SLC12A8: variants seen among roughly 807,000 people sequenced by gnomAD.
The protein encoded by SLC12A8 is cation-chloride cotransporter 9.
SLC12A8 carries 69 observed loss-of-function variants against 75.6 expected under a neutral mutation model. That is an observed-to-expected ratio of 0.91 (90% CI 0.75 to 1.11). The LOEUF (loss-of-function observed/expected upper bound fraction) is 1.11, where lower values mean the gene tolerates loss of function less well. Ranked by LOEUF, SLC12A8 falls within the 50% of genes most tolerant of loss-of-function variation. The pLI, the probability that SLC12A8 is intolerant of heterozygous loss-of-function variation, is 0.00. For synonymous variants in SLC12A8, 365 were observed against 372.8 expected, an observed-to-expected ratio of 0.98 and a Z score of 0.24; for missense variants, 877 against 896.7, an observed-to-expected ratio of 0.98 and a Z score of 0.28.
chr3:125,201,233 A>G (rs567475041), intron 2 of SLC12A8, among the ~76,000 whole-genome samples: 2 of 152,054 alleles, frequency 1.3e-5, no homozygotes. Flanking sequence ...GTGAGACCCC[A>G]TCTCTACAAA....
chr3:125,138,122 T>G (rs555598902), intron 5 of SLC12A8, among the ~76,000 whole-genome samples: 16 of 152,078 alleles, frequency 1.1e-4, no homozygotes, highest in African/African-American at 3.9e-4. Context: ...GGGGGAGGGG[T>G]CGGGTGCAGT....
rs1019850609 is a variant in SLC12A8 at position 125,187,447 on chromosome 3, G to A, written c.199-19C>T. ...TGTTTCCCTGCAGCAGAATAGCAAG[G>A]AGCAAGGTTGGATTAGGTGAGGAGG... On this transcript the variant is annotated intron_variant, in intron 3 of 13. Coordinates refer to ENST00000469902, the MANE Select transcript of SLC12A8 (RefSeq NM_024628.6). 6.2e-7 allele frequency: 1 copy of A among 1,611,468 alleles called. No individual in the cohort carries two copies. Among genetic ancestry groups the A allele is most frequent in the Non-Finnish European group, 8.5e-7 (1 of 1,178,644 alleles).
At chr3:125,085,679 C>T (rs1260840586) in intron 13 of SLC12A8, among the ~76,000 whole-genome samples, 1 of 152,072 alleles carries the variant, frequency 6.6e-6, no homozygotes, top group East Asian at 1.9e-4. Flanking sequence ...CAGGTTCAAG[C>T]AATTCTCATG....
rs544970433 is a variant in SLC12A8, at chr3:125,135,950, T to C, written c.623-168A>G. ...CTGCAGAACCATCTACCTTCCCACT[T>C]CTAGGGTTGACTTTTGTGTGCTGAT... is the stretch of plus-strand genomic sequence containing the variant. On this transcript the variant is annotated intron_variant, in intron 5 of 13. Coordinates refer to ENST00000469902, the MANE Select transcript of SLC12A8 (RefSeq NM_024628.6). Among the ~76,000 whole-genome samples, 7 of 152,246 alleles carry C rather than the reference T, an allele frequency of 4.6e-5. No individual in the cohort carries two copies. In the South Asian group the frequency reaches 1.5e-3, roughly 32 times the overall value.
chr3:125,197,694 C>T (rs1024229284), intron 2 of SLC12A8, among the ~76,000 whole-genome samples: 1 of 152,290 alleles, frequency 6.6e-6, no homozygotes, highest in East Asian at 1.9e-4. Context: ...CAAATATATC[C>T]CCTTTTATAC....
intron 2 of SLC12A8, among the ~76,000 whole-genome samples, chr3:125,207,122 G>A (rs1049998670): frequency 1.3e-5 from 2 of 152,184 alleles, no homozygotes; most frequent in African/African-American, 2.4e-5. Context: ...AGGTCTCAGC[G>A]ACCTGGAAAC....
intron 8 of SLC12A8, among the ~76,000 whole-genome samples, chr3:125,112,190 A>G (rs1219213091): frequency 2.0e-5 from 3 of 152,140 alleles, no homozygotes; most frequent in African/African-American, 7.2e-5. Flanking sequence ...GATGAACAAG[A>G]CTAAGGTCCA....
intron 6 of SLC12A8, among the ~76,000 whole-genome samples, chr3:125,133,061 C>A (rs773883335): frequency 6.6e-6 from 1 of 152,046 alleles, no homozygotes; most frequent in Non-Finnish European, 1.5e-5. Context: ...GACAGGCTTG[C>A]AATTCCCAAA....
At chr3:125,175,356 TA>T (rs773058999) in intron 5 of SLC12A8, among the ~76,000 whole-genome samples, 12 of 152,174 alleles carry the variant, frequency 7.9e-5, no homozygotes, top group Non-Finnish European at 7.3e-5. Flanking sequence ...ACAAAGAAAA[TA>T]TCCCATATGA....
rs751879482 is a variant in SLC12A8, at chr3:125,120,608, A to G, written c.815T>C (p.Val272Ala). The G allele has an allele frequency of 2.5e-6, 4 of 1,613,242 alleles. No individual in the cohort carries two copies. In the South Asian group the frequency reaches 4.4e-5, roughly 18 times the overall value. Residue 272 changes from valine (V) to alanine (A), a missense_variant, in exon 7 of 14, where the codon GTT becomes GCT. Transcript: ENST00000469902. ...ASIPLGSLAA[V>A]GISWFLYIIF... is the part of the protein sequence containing the mutation. ...CATGAGGGGAACTTACGAGATGCCAACAGCTGCCAGGGAGCCCAGGGGAAT... is the reference window on the plus strand; with the variant it reads ...CATGAGGGGAACTTACGAGATGCCAGCAGCTGCCAGGGAGCCCAGGGGAAT...
At chr3:125,115,058 G>C (rs1939276320) in intron 8 of SLC12A8, among the ~76,000 whole-genome samples, 1 of 152,120 alleles carries the variant, frequency 6.6e-6, no homozygotes. Flanking sequence ...AGTGTGGAAG[G>C]GAGTTAAAAT....
chr3:125,200,599 G>A (rs776206366), intron 2 of SLC12A8, among the ~76,000 whole-genome samples: 6 of 152,144 alleles, frequency 3.9e-5, no homozygotes, highest in African/African-American at 4.8e-5. Flanking sequence ...TTTATTCAGT[G>A]GATGAATTCA....
chr3:125,188,522 G>A (rs1934840829), intron 3 of SLC12A8, among the ~76,000 whole-genome samples: 1 of 152,180 alleles, frequency 6.6e-6, no homozygotes, highest in East Asian at 1.9e-4. Flanking sequence ...ACCATGCATG[G>A]CTGGAGATGA....
At chr3:125,132,251 CT>C (rs1351077337) in intron 6 of SLC12A8, among the ~76,000 whole-genome samples, 1 of 152,154 alleles carries the variant, frequency 6.6e-6, no homozygotes, top group African/African-American at 2.4e-5. Context: ...GAGACTGACT[CT>C]TTTTGTTTTA....
chr3:125,159,636 G>A (rs999670568), intron 5 of SLC12A8, among the ~76,000 whole-genome samples: 4 of 151,294 alleles, frequency 2.6e-5, no homozygotes, highest in African/African-American at 9.7e-5. Flanking sequence ...AGAGATGGAG[G>A]CCTTGGCCTC....
chr3:125,158,345 C>G (rs938129036), intron 5 of SLC12A8, among the ~76,000 whole-genome samples: 1 of 152,036 alleles, frequency 6.6e-6, no homozygotes, highest in Admixed American at 6.6e-5. Flanking sequence ...CTCAGCCTCC[C>G]GAGTAGCTGG....
At position 125,190,359 on chromosome 3, in the gene SLC12A8, C is replaced by A; in HGVS notation, c.198+16G>T. The A allele has an allele frequency of 6.2e-7, 1 of 1,613,652 alleles. No homozygotes were observed. The highest frequency in any genetic ancestry group is 8.5e-7 in the Non-Finnish European group (1 of 1,179,698). On this transcript the variant is annotated intron_variant, in intron 3 of 13. Transcript: ENST00000469902. ...TGGGCCCGTGAGAGGCTCCAGGCCA[C>A]CAACTCAGCACTCACCACCAGCCAG...
At chr3:125,206,481 T>G (rs1935228680) in intron 2 of SLC12A8, among the ~76,000 whole-genome samples, 1 of 152,210 alleles carries the variant, frequency 6.6e-6, no homozygotes, top group South Asian at 2.1e-4. Context: ...GATTGTTTGG[T>G]TCTATTTCTA....
intron 5 of SLC12A8, among the ~76,000 whole-genome samples, chr3:125,150,594 A>ATT (rs1311786200): frequency 1.4e-4 from 22 of 152,196 alleles, no homozygotes; most frequent in Non-Finnish European, 3.1e-4. Flanking sequence ...CCGATACAGG[A>ATT]AATCTCCAAA....
Sources: gnomAD v4.1 joint callset for allele counts (sites outside exome capture counted in the v4.1 genomes callset) on GRCh38, gnomAD v4.1.1 for gene constraint, MANE v1.5 for transcripts, NCBI Gene and HGNC (gene_info 2026-07-23, HGNC 2026-07-21) for gene names.